The following HHAT variants were observed in gnomAD, a reference collection of about 807,000 sequenced individuals.
The protein encoded by HHAT is hedgehog acyltransferase, also known as protein-cysteine N-palmitoyltransferase HHAT.
Under a neutral mutation model 70.8 loss-of-function variants are expected in HHAT, and 47 were observed. The ratio of observed to expected loss-of-function variants is 0.66; its 90% confidence interval spans 0.53 to 0.85. HHAT has a LOEUF of 0.85. Among genes scored for constraint, HHAT ranks in the 40% least tolerant of loss-of-function variants. HHAT has a pLI of 0.00. For synonymous variants in HHAT, 228 were observed against 247.6 expected, an observed-to-expected ratio of 0.92 and a Z score of 0.74; for missense variants, 609 against 604.8, an observed-to-expected ratio of 1.01 and a Z score of -0.07.
chr1:210,542,487 T>TAAA (rs760515327), intron 9 of HHAT, among the ~76,000 whole-genome samples: 99 of 148,792 alleles, frequency 6.7e-4, no homozygotes, highest in Middle Eastern at 3.6e-3. Flanking sequence ...GTGTTTTAGT[T>TAAA]AAAAAAAAAA....
intron 2 of HHAT, among the ~76,000 whole-genome samples, chr1:210,359,103 G>T (rs906350056): frequency 6.6e-6 from 1 of 152,184 alleles, no homozygotes; most frequent in Admixed American, 6.5e-5. Flanking sequence ...CTGGAAGAAA[G>T]AGCAGGTTCT....
At chr1:210,447,278 G>A (rs1368730900) in intron 7 of HHAT, among the ~76,000 whole-genome samples, 1 of 152,178 alleles carries the variant, frequency 6.6e-6, no homozygotes, top group African/African-American at 2.4e-5. Context: ...CTGTCTGTAA[G>A]CTTTTCAACA....
chr1:210,493,565 C>A (rs1336582244), intron 8 of HHAT, among the ~76,000 whole-genome samples: 3 of 152,176 alleles, frequency 2.0e-5, no homozygotes, highest in Non-Finnish European at 2.9e-5. Flanking sequence ...TTTGACCAAA[C>A]AACTGGTACC....
At chr1:210,657,811 G>A (rs1676761995) in intron 11 of HHAT, among the ~76,000 whole-genome samples, 1 of 152,186 alleles carries the variant, frequency 6.6e-6, no homozygotes, top group African/African-American at 2.4e-5. Flanking sequence ...TTTAGGGCCA[G>A]TGTGCGCCAG....
At chr1:210,405,813 T>C (rs2092306671) in intron 6 of HHAT, among the ~76,000 whole-genome samples, 2 of 152,240 alleles carry the variant, frequency 1.3e-5, no homozygotes, top group Non-Finnish European at 2.9e-5. Context: ...GTTTAGTCTA[T>C]GGTTTCTCAT....
chr1:210,412,647 G>C (rs2092597578), intron 6 of HHAT, among the ~76,000 whole-genome samples: 1 of 152,220 alleles, frequency 6.6e-6, no homozygotes, highest in Non-Finnish European at 1.5e-5. Context: ...GGCCCACTAG[G>C]GTGGAGGTTT....
At chr1:210,434,884 A>C (rs2093339199) in intron 7 of HHAT, among the ~76,000 whole-genome samples, 1 of 151,862 alleles carries the variant, frequency 6.6e-6, no homozygotes, top group Non-Finnish European at 1.5e-5. Context: ...CTGATATATG[A>C]TGTACATATT....
chr1:210,328,930 G>C lies in HHAT; in HGVS notation c.-218G>C. On this transcript the variant is annotated 5_prime_UTR_variant, in exon 1 of 12. Transcript: ENST00000261458. ...CACGGCGGCAGGGGCGTGCTCGGAG[G>C]ACGCGCGCTGCGCTGCTCCTCCAAA... 4 of 1,058,270 alleles carry C rather than the reference G, an allele frequency of 3.8e-6. No homozygotes were observed. The highest frequency in any genetic ancestry group is 4.9e-6 in the Non-Finnish European group (4 of 822,902). 65.6% of individuals were successfully genotyped at this position (1,058,270 alleles called of 1,614,324 possible).
chr1:210,517,863 G>T (rs1475893976), intron 9 of HHAT, among the ~76,000 whole-genome samples: 3 of 152,040 alleles, frequency 2.0e-5, no homozygotes, highest in African/African-American at 7.2e-5. Context: ...TACTTGTTTT[G>T]TTGCCTCCCC....
intron 11 of HHAT, among the ~76,000 whole-genome samples, chr1:210,627,392 T>G (rs1299990345): frequency 6.6e-6 from 1 of 152,200 alleles, no homozygotes; most frequent in Non-Finnish European, 1.5e-5. Flanking sequence ...GGTATCTTCC[T>G]GTCACCAGTT....
chr1:210,465,363 T>C (rs1160562599), intron 8 of HHAT, among the ~76,000 whole-genome samples: 5 of 152,190 alleles, frequency 3.3e-5, no homozygotes, highest in African/African-American at 1.2e-4. Flanking sequence ...TTCTACGTGA[T>C]GGACTTGTTG....
chr1:210,387,501 G>A lies in HHAT; in HGVS notation c.193G>A (p.Glu65Lys), dbSNP rs760841342. The change falls in exon 4 of 12, where the codon GAA becomes AAA. Residue 65 changes from glutamate to lysine, a missense_variant. Glu to Lys is a moderately conservative substitution (Grantham distance 56, BLOSUM62 1). Transcript: ENST00000261458. ...ATDFEWSFWM[E>K]WGKQWLVWLL... is the part of the protein sequence containing the mutation. ...CGACTTTGAGTGGAGCTTCTGGATGGAATGGGGGAAGCAGTGGCTGGTGTG... is the reference window on the plus strand; with the variant it reads ...CGACTTTGAGTGGAGCTTCTGGATGAAATGGGGGAAGCAGTGGCTGGTGTG... 3.7e-6 allele frequency: 6 copies of A among 1,614,050 alleles called. No homozygotes were observed. The Admixed American group carries it at 8.3e-5, about 22-fold the overall frequency.
chr1:210,496,393 A>G (rs2094644864), intron 8 of HHAT, among the ~76,000 whole-genome samples: 1 of 152,204 alleles, frequency 6.6e-6, no homozygotes, highest in Non-Finnish European at 1.5e-5. Context: ...AAGATGCAGT[A>G]TCAGATCAAA....
intron 9 of HHAT, among the ~76,000 whole-genome samples, chr1:210,514,056 T>C (rs774440844): frequency 3.3e-5 from 5 of 152,232 alleles, no homozygotes; most frequent in Non-Finnish European, 7.3e-5. Context: ...GGTTCTTTTC[T>C]GTACAATGCA....
rs867382992 is a variant in HHAT, at chr1:210,577,105, G to A, written c.1044-10793G>A. ...TTTTGCAGTCTTTAGGGTTTTTTAC[G>A]TATAAGATCATGTCATCTATAAACA... is the stretch of plus-strand genomic sequence containing the variant. On this transcript the variant is annotated intron_variant, in intron 9 of 11. Coordinates refer to ENST00000261458, the MANE Select transcript of HHAT (RefSeq NM_018194.6). 5.3e-5 allele frequency among the ~76,000 whole-genome samples: 8 copies of A among 149,762 alleles called. No homozygotes were observed. The East Asian group carries it at 5.9e-4, about 11-fold the overall frequency.
intron 11 of HHAT, among the ~76,000 whole-genome samples, chr1:210,659,028 C>T (rs1369363867): frequency 1.3e-5 from 2 of 151,582 alleles, no homozygotes; most frequent in African/African-American, 4.8e-5. Context: ...ATTAAAAGAA[C>T]TAGAGAAGCA....
intron 11 of HHAT, among the ~76,000 whole-genome samples, chr1:210,631,957 G>A (rs1330576184): frequency 6.6e-6 from 1 of 152,194 alleles, no homozygotes; most frequent in Admixed American, 6.5e-5. Context: ...TGTTTTGTCA[G>A]CACCTGTTTG....
chr1:210,465,389 C>T (rs944180327), intron 8 of HHAT, among the ~76,000 whole-genome samples: 2 of 152,136 alleles, frequency 1.3e-5, no homozygotes, highest in African/African-American at 2.4e-5. Context: ...TTCCTCTTAT[C>T]GCTTCCAGAG....
chr1:210,363,744 A>G (rs976766491), intron 3 of HHAT, among the ~76,000 whole-genome samples: 3 of 152,136 alleles, frequency 2.0e-5, no homozygotes, highest in Admixed American at 2.0e-4. Context: ...ATATGTTTTT[A>G]AAATGTTATC....
Sources: allele counts gnomAD v4.1 joint callset (sites outside exome capture counted in the v4.1 genomes callset), GRCh38; gene constraint gnomAD v4.1.1; transcripts MANE v1.5; gene names NCBI Gene and HGNC (gene_info 2026-07-23, HGNC 2026-07-21).